The following DNAAF9 variants were observed in gnomAD, a reference collection of about 807,000 sequenced individuals.
DNAAF9 encodes the protein dynein axonemal assembly factor 9, also known as shulin.
In DNAAF9, 90 loss-of-function variants were observed where a neutral mutation model predicts 167.0. The ratio of observed to expected loss-of-function variants is 0.54; its 90% CI spans 0.45 to 0.64. The LOEUF (loss-of-function observed/expected upper bound fraction) is 0.64. Ranked by LOEUF, DNAAF9 falls within the 30% of genes least tolerant of loss-of-function variation. The pLI is 0.00. For missense variants in DNAAF9, 1,315 were observed against 1,442.2 expected, an observed-to-expected ratio of 0.91 and a Z score of 1.43; for synonymous variants, 491 against 508.8, an observed-to-expected ratio of 0.96 and a Z score of 0.47.
In DNAAF9 at chr20:3,259,964, C is replaced by G. The variant is rs773243278; in HGVS notation, c.2938G>C (p.Gly980Arg). The change falls in exon 32 of 37, where the codon GGC (glycine) becomes CGC (arginine). Residue 980 changes from glycine to arginine, a missense_variant. Transcript: ENST00000252032. ...AAGCGAGTCTTCTCCAAGGGACGGC[C>G]AAACCATACGCAGATCTGAACCATT... ...PLMVQICVWF[G>R]RPLEKTRFVA... 4.3e-6 allele frequency: 7 copies of G among 1,613,076 alleles called. No individual in the cohort carries two copies. The South Asian group carries it at 7.7e-5, about 18-fold the overall frequency.
At chr20:3,292,944 G>A (rs971051995) in intron 25 of DNAAF9, among the ~76,000 whole-genome samples, 2 of 151,814 alleles carry the variant, frequency 1.3e-5, no homozygotes, top group African/African-American at 4.8e-5. Context: ...AAATTAACAG[G>A]GCGTGGTGGC....
At chr20:3,356,116 CAA>C (rs1430441005) in intron 7 of DNAAF9, among the ~76,000 whole-genome samples, 3 of 152,194 alleles carry the variant, frequency 2.0e-5, no homozygotes, top group Non-Finnish European at 4.4e-5. Context: ...CTCTCGGGTT[CAA>C]GTGATTCTCC....
chr20:3,391,580 T>TC (rs1482495162), intron 1 of DNAAF9, among the ~76,000 whole-genome samples: 19 of 145,468 alleles, frequency 1.3e-4, no homozygotes, highest in African/African-American at 4.5e-4. Context: ...TTTTCCTTCT[T>TC]TTTTTTTTTT....
At chr20:3,298,769 A>G (rs186808333) in intron 21 of DNAAF9, among the ~76,000 whole-genome samples, 1 of 152,312 alleles carries the variant, frequency 6.6e-6, no homozygotes, top group Admixed American at 6.5e-5. Context: ...GAAGTTTTAA[A>G]TGTTGATGGA....
intron 27 of DNAAF9, 144 bp downstream of exon 27, chr20:3,287,488 C>T (rs1051223207): frequency 6.4e-6 from 5 of 780,882 alleles, no homozygotes; most frequent in Non-Finnish European, 1.1e-5. Context: ...AGGGTCATTG[C>T]TCGCTTAAGG....
chr20:3,337,268 GTT>G (rs112275744), intron 10 of DNAAF9, among the ~76,000 whole-genome samples: 1 of 131,444 alleles, frequency 7.6e-6, no homozygotes. Context: ...CACTGAAGTT[GTT>G]TTTTTTTTTT....
chr20:3,407,234 G>C (rs1454610698), intron 1 of DNAAF9, among the ~76,000 whole-genome samples: 2 of 152,156 alleles, frequency 1.3e-5, no homozygotes, highest in Admixed American at 1.3e-4. Flanking sequence ...GGAAACCGTT[G>C]CAGGGTTGTC....
chr20:3,381,938 A>G (rs1274147314), intron 2 of DNAAF9, among the ~76,000 whole-genome samples: 1 of 152,168 alleles, frequency 6.6e-6, no homozygotes, highest in East Asian at 1.9e-4. Context: ...ATCACTTTAC[A>G]ATTATGAGGC....
At chr20:3,365,932 G>C (rs1456381492) in intron 6 of DNAAF9, among the ~76,000 whole-genome samples, 1 of 152,194 alleles carries the variant, frequency 6.6e-6, no homozygotes, top group Non-Finnish European at 1.5e-5. Context: ...CAGCAAGTCA[G>C]TCACATCTTC....
At chr20:3,355,563 CTG>C (rs1056910593) in intron 7 of DNAAF9, among the ~76,000 whole-genome samples, 11 of 146,586 alleles carry the variant, frequency 7.5e-5, no homozygotes, top group African/African-American at 2.3e-4. Context: ...GACAGTGAGA[CTG>C]TGTTTCAAAA....
chr20:3,365,711 A>T (rs1021810743), intron 6 of DNAAF9, among the ~76,000 whole-genome samples: 4 of 152,126 alleles, frequency 2.6e-5, no homozygotes, highest in African/African-American at 7.2e-5. Flanking sequence ...TTTTACCCAC[A>T]GTAGAACTTT....
rs1555783833 is a variant in DNAAF9 at position 3,259,481 on chromosome 20, T to TG, written c.3053dup (p.Asp1019ArgfsTer3). 3 of 1,558,912 alleles carry TG rather than the reference T, an allele frequency of 1.9e-6. No homozygotes were observed. Among genetic ancestry groups the TG allele is most frequent in the African/African-American group, 1.5e-5 (1 of 68,690 alleles). ...TCCCAAATCCCAGCCCCTGGTTACC[T>TG]GAAAACTTCACTTTGCCCAGGATGT... On this transcript the variant is annotated frameshift_variant and splice_region_variant, in exon 33 of 37. Coordinates refer to ENST00000252032, the MANE Select transcript of DNAAF9 (RefSeq NM_001009984.3). LOFTEE classifies it high-confidence loss of function.
At position 3,286,592 on chromosome 20, in the gene DNAAF9, C is replaced by T. The variant is rs544748444; in HGVS notation, c.2486+1040G>A. Among the ~76,000 whole-genome samples the T allele has an allele frequency of 2.6e-5, 4 of 152,238 alleles. No individual in the cohort carries two copies. In the South Asian group the frequency reaches 8.3e-4, roughly 32 times the overall value. Reference sequence around the variant, plus strand: ...AGACTCTTCCTCTGGTTTCTAGGACCTTGCCCACAAGCAGGACAAAAGGGC... The same window carrying T: ...AGACTCTTCCTCTGGTTTCTAGGACTTTGCCCACAAGCAGGACAAAAGGGC... On this transcript the variant is annotated intron_variant, in intron 27 of 36. Transcript: ENST00000252032.
At position 3,390,366 on chromosome 20, in the gene DNAAF9, TCTCA is replaced by T. The variant is rs1818563128; in HGVS notation, c.84-7864_84-7861del. ...ATAGCAAATATTCATTGTACTATTC[TCTCA>T]CTTTTTTTTTTTTTTTTTGAAGTCT... On this transcript the variant is annotated intron_variant, in intron 1 of 36. Coordinates refer to ENST00000252032, the MANE Select transcript of DNAAF9 (RefSeq NM_001009984.3). Among the ~76,000 whole-genome samples the T allele has an allele frequency of 4.0e-5, 6 of 150,238 alleles. No homozygotes were observed. In the South Asian group the frequency reaches 1.3e-3, roughly 31 times the overall value.
intron 10 of DNAAF9, among the ~76,000 whole-genome samples, chr20:3,338,494 C>T (rs2070011742): frequency 6.6e-6 from 1 of 152,074 alleles, no homozygotes; most frequent in Non-Finnish European, 1.5e-5. Flanking sequence ...TCTAAGCTTC[C>T]TGGGTCTGTG....
intron 10 of DNAAF9, among the ~76,000 whole-genome samples, chr20:3,334,978 C>T (rs35732655): frequency 0.015 from 2,299 of 152,306 alleles, 26 homozygotes; most frequent in Middle Eastern, 0.037. Context: ...ATTTACTAGA[C>T]ATTCAACAAG....
rs201217894 is a variant in DNAAF9 at position 3,381,464 on chromosome 20, C to T, written c.198G>A (p.Glu66=). 53 of 1,613,878 alleles carry T rather than the reference C, an allele frequency of 3.3e-5. No individual in the cohort carries two copies. The highest frequency in any genetic ancestry group is 1.8e-4 in the Admixed American group (11 of 60,008). Residue 66 remains glutamate (E), a synonymous_variant, in exon 3 of 37, where the codon GAG becomes GAA. Coordinates refer to ENST00000252032, the MANE Select transcript of DNAAF9 (RefSeq NM_001009984.3). The part of the protein sequence containing the change: ...IDSRYNEGCR[E]LANYLLFGLY... ...AACCAAATAGAAGATAATTTGCCAG[C>T]TCTCTGCAGCCTTCATTGTACCTGC...
intron 7 of DNAAF9, among the ~76,000 whole-genome samples, chr20:3,353,642 C>A (rs201394002): frequency 6.7e-5 from 9 of 135,126 alleles, no homozygotes; most frequent in East Asian, 2.5e-4. Context: ...CACCACCCCC[C>A]CCCCCGCAAA....
At chr20:3,304,206 G>GAAGCCCTTTCTAGGT (rs1301067396) in intron 21 of DNAAF9, among the ~76,000 whole-genome samples, 2 of 152,162 alleles carry the variant, frequency 1.3e-5, no homozygotes, top group Admixed American at 1.3e-4. Context: ...CTTCTGACCA[G>GAAGCCCTTTCTAGGT]AAGCCCTTTC....
Sources: gnomAD v4.1 joint callset for allele counts (sites outside exome capture counted in the v4.1 genomes callset) on GRCh38, gnomAD v4.1.1 for gene constraint, MANE v1.5 for transcripts, NCBI Gene and HGNC (gene_info 2026-07-23, HGNC 2026-07-21) for gene names.